STS: variants seen among roughly 807,000 people sequenced by gnomAD.
The protein encoded by STS is steryl-sulfatase.
In STS, 7 loss-of-function variants were observed where a neutral mutation model predicts 26.8. The observed-to-expected ratio is 0.26, with a 90% CI of 0.15 to 0.49. The LOEUF (loss-of-function observed/expected upper bound fraction) is 0.49, where lower values mean the gene tolerates loss of function less well. Among genes scored for constraint, STS ranks in the 20% least tolerant of loss-of-function variants. STS has a pLI of 0.98. For synonymous variants in STS, 199 were observed against 189.4 expected, an observed-to-expected ratio of 1.05 and a Z score of -0.42; for missense variants, 434 against 465.6, an observed-to-expected ratio of 0.93 and a Z score of 0.63.
chrX:7,289,164 C>G (rs1461462887), intron 7 of STS, among the ~76,000 whole-genome samples: 2 of 111,368 alleles, frequency 1.8e-5, no homozygotes, highest in Non-Finnish European at 1.9e-5. Context: ...CTGCTGATGG[C>G]TTCTAACAGC....
chrX:7,161,601 A>G (rs1394426837), intron 1 of STS, among the ~76,000 whole-genome samples: 5 of 112,058 alleles, frequency 4.5e-5, no homozygotes, highest in Non-Finnish European at 9.4e-5. Context: ...CTTATGAGCA[A>G]TTATAATGAA....
intron 7 of STS, among the ~76,000 whole-genome samples, chrX:7,294,162 T>A (rs776187254): frequency 7.2e-5 from 8 of 111,558 alleles, no homozygotes; most frequent in Non-Finnish European, 1.3e-4. Context: ...ATAATGATGT[T>A]ACCATGTTTA....
intron 10 of STS, among the ~76,000 whole-genome samples, chrX:7,337,421 GCTTT>G (rs766521242): frequency 9.9e-4 from 111 of 111,817 alleles, no homozygotes; most frequent in African/African-American, 3.5e-3. Context: ...TCCATATGGA[GCTTT>G]CTGTCACCTG....
intron 2 of STS, among the ~76,000 whole-genome samples, chrX:7,199,879 A>G (rs1481977447): frequency 9.2e-6 from 1 of 108,907 alleles, no homozygotes; most frequent in African/African-American, 3.4e-5. Flanking sequence ...CTAGAAATAA[A>G]AAAAAAAATA....
chrX:7,260,077 G>A (rs1353062802), intron 6 of STS, among the ~76,000 whole-genome samples: 1 of 111,589 alleles, frequency 9.0e-6, no homozygotes, highest in Non-Finnish European at 1.9e-5. Context: ...GGGTTTCACC[G>A]TGTTAGCCAG....
At chrX:7,221,148 T>C (rs1921547381) in intron 2 of STS, among the ~76,000 whole-genome samples, 1 of 112,567 alleles carries the variant, frequency 8.9e-6, no homozygotes, top group Admixed American at 9.4e-5. Context: ...CGTCTGAATA[T>C]TGGCATCTTT....
chrX:7,282,633 C>T (rs1924926968), intron 7 of STS, among the ~76,000 whole-genome samples: 1 of 112,751 alleles, frequency 8.9e-6, no homozygotes, highest in Non-Finnish European at 1.9e-5. Flanking sequence ...AAACAGCTCT[C>T]CTTGCATGCT....
chrX:7,274,967 C>T (rs1333442677), intron 6 of STS, among the ~76,000 whole-genome samples: 2 of 111,800 alleles, frequency 1.8e-5, no homozygotes, highest in African/African-American at 6.5e-5. Context: ...TTAAAAAGAA[C>T]GTAATGCTGT....
rs1001028338 is a variant in STS, at chrX:7,272,657, G to A, written c.807-3294G>A. 1.2e-4 allele frequency among the ~76,000 whole-genome samples: 13 copies of A among 111,859 alleles called. No individual in the cohort carries two copies. In the East Asian group the frequency reaches 3.7e-3, roughly 32 times the overall value. ...TTGACTGCTGGGCGGGGCTGCCAATGCTCAGAAAGCAAATGCAGTATTTCA... is the reference window on the plus strand; with the variant it reads ...TTGACTGCTGGGCGGGGCTGCCAATACTCAGAAAGCAAATGCAGTATTTCA... On this transcript the variant is annotated intron_variant, in intron 6 of 10. Coordinates refer to ENST00000674429, the MANE Select transcript of STS (RefSeq NM_001320752.2).
chrX:7,303,878 T>A (rs1212269186), intron 7 of STS, among the ~76,000 whole-genome samples: 1 of 111,698 alleles, frequency 9.0e-6, no homozygotes, highest in Non-Finnish European at 1.9e-5. Context: ...CAGTTAAACC[T>A]CCATATGCCC....
intron 2 of STS, among the ~76,000 whole-genome samples, chrX:7,221,558 G>C (rs1375634183): frequency 8.9e-6 from 1 of 111,749 alleles, no homozygotes; most frequent in East Asian, 2.8e-4. Context: ...TACCTCAAAA[G>C]ACAGGAGGCC....
rs776833152 is a variant in STS, at chrX:7,276,187, A to C, written c.943+100A>C. 7.9e-5 allele frequency: 84 copies of C among 1,067,744 alleles called. No homozygotes were observed. In the African/African-American group the frequency reaches 1.5e-3, roughly 19 times the overall value. The allele number at this position is 1,067,744 out of a possible 1,213,427, so 88.0% of individuals were successfully genotyped here. On this transcript the variant is annotated intron_variant, in intron 7 of 10. Coordinates refer to ENST00000674429, the MANE Select transcript of STS (RefSeq NM_001320752.2). Reference sequence around the variant, plus strand: ...CTATCTTTGTTCCTGATGCCTTTAGAGACAGCAAATGTATGGGGTTTTTTG... The same window carrying C: ...CTATCTTTGTTCCTGATGCCTTTAGCGACAGCAAATGTATGGGGTTTTTTG...
chrX:7,305,912 G>A (rs1307536836), intron 8 of STS, among the ~76,000 whole-genome samples: 1 of 112,087 alleles, frequency 8.9e-6, no homozygotes, highest in African/African-American at 3.2e-5. Context: ...GCCATGGGGT[G>A]TAACATATTC....
chrX:7,227,448 G>GT (rs34307828), intron 2 of STS, among the ~76,000 whole-genome samples: 23,337 of 91,776 alleles, frequency 0.25, 2,496 homozygotes, highest in Admixed American at 0.41. Context: ...TCAAATCGTT[G>GT]TTTTTTTTTT....
chrX:7,308,144 G>A (rs760211903), intron 8 of STS, among the ~76,000 whole-genome samples: 73 of 111,905 alleles, frequency 6.5e-4, no homozygotes, highest in Non-Finnish European at 1.1e-3. Flanking sequence ...ATTTTCACAA[G>A]GCTATAACCT....
At chrX:7,292,330 G>C (rs1387844582) in intron 7 of STS, among the ~76,000 whole-genome samples, 1 of 112,476 alleles carries the variant, frequency 8.9e-6, no homozygotes, top group African/African-American at 3.2e-5. Flanking sequence ...GTAGACAGGA[G>C]TGGGTCTTGC....
At chrX:7,233,286 G>A (rs1258831728) in intron 2 of STS, among the ~76,000 whole-genome samples, 1 of 109,165 alleles carries the variant, frequency 9.2e-6, no homozygotes, top group Non-Finnish European at 1.9e-5. Flanking sequence ...TAGAGATGGG[G>A]TTTCACCATG....
intron 6 of STS, among the ~76,000 whole-genome samples, chrX:7,275,183 A>C (rs1269054668): frequency 1.8e-5 from 2 of 111,376 alleles, no homozygotes; most frequent in Non-Finnish European, 3.8e-5. Context: ...TCAAAGGATA[A>C]AAAGTTTTAG....
chrX:7,205,919 A>G (rs373909516), intron 2 of STS, among the ~76,000 whole-genome samples: 4 of 109,491 alleles, frequency 3.7e-5, no homozygotes, highest in African/African-American at 1.3e-4. Flanking sequence ...CTCGGTGGAA[A>G]TCATTTTTCC....
Sources: gnomAD v4.1 joint callset for allele counts (sites outside exome capture counted in the v4.1 genomes callset) on GRCh38, gnomAD v4.1.1 for gene constraint, MANE v1.5 for transcripts, NCBI Gene and HGNC (gene_info 2026-07-23, HGNC 2026-07-21) for gene names.